Variants in ST6GAL2 observed in about 807,000 individuals in gnomAD.
ST6GAL2 encodes ST6 beta-galactoside alpha-2,6-sialyltransferase 2.
A neutral mutation model predicts 37.5 loss-of-function variants in ST6GAL2; 24 were observed. That is an observed-to-expected ratio of 0.64 (90% CI 0.46 to 0.90). The LOEUF (loss-of-function observed/expected upper bound fraction) is 0.90, where lower values mean the gene tolerates loss of function less well. ST6GAL2 is among the 40% of genes least tolerant of loss of function. The pLI is 0.00. For missense variants in ST6GAL2, 715 were observed against 712.7 expected, an observed-to-expected ratio of 1.00 and a Z score of -0.04; for synonymous variants, 306 against 295.1, an observed-to-expected ratio of 1.04 and a Z score of -0.38.
chr2:106,851,128 C>T (rs1677342264), intron 1 of ST6GAL2, among the ~76,000 whole-genome samples: 2 of 152,236 alleles, frequency 1.3e-5, no homozygotes. Flanking sequence ...TATTACCTGG[C>T]AATGCAAAGG....
intron 1 of ST6GAL2, among the ~76,000 whole-genome samples, chr2:106,881,550 A>G (rs1235163546): frequency 1.3e-5 from 2 of 152,218 alleles, no homozygotes; most frequent in Admixed American, 1.3e-4. Flanking sequence ...TTACACTTTC[A>G]AAGAAGCTAC....
At chr2:106,858,502 G>T (rs1677671179) in intron 1 of ST6GAL2, among the ~76,000 whole-genome samples, 2 of 152,170 alleles carry the variant, frequency 1.3e-5, no homozygotes, top group South Asian at 4.1e-4. Context: ...TGGCTTTTAA[G>T]TTCAAAAGCT....
chr2:106,846,217 G>A (rs555885937), intron 1 of ST6GAL2, among the ~76,000 whole-genome samples: 1 of 152,296 alleles, frequency 6.6e-6, no homozygotes, highest in East Asian at 1.9e-4. Context: ...AACGGTGAGT[G>A]ATAATGATAG....
At chr2:106,822,100 G>A (rs1221656624) in intron 5 of ST6GAL2, among the ~76,000 whole-genome samples, 1 of 152,106 alleles carries the variant, frequency 6.6e-6, no homozygotes, top group Non-Finnish European at 1.5e-5. Context: ...TCTGGAATAT[G>A]GCAAGGATGC....
intron 1 of ST6GAL2, among the ~76,000 whole-genome samples, chr2:106,879,198 C>A (rs1334996764): frequency 6.6e-6 from 1 of 152,144 alleles, no homozygotes; most frequent in Non-Finnish European, 1.5e-5. Context: ...ATTAACCCTG[C>A]CTCTTCTGTG....
rs958478679 is a variant in ST6GAL2, at chr2:106,806,809, A to G, written c.1459T>C (p.Tyr487His). 6 of 1,614,166 alleles carry G rather than the reference A, an allele frequency of 3.7e-6. No homozygotes were observed. Among genetic ancestry groups the G allele is most frequent in the Non-Finnish European group, 5.1e-6 (6 of 1,180,040 alleles). Reference protein sequence around the residue: ...CTLGAYHPLLYEKLLVQRLNM... With the variant: ...CTLGAYHPLLHEKLLVQRLNM... ...AGGCGCTGCACCAGGAGCTTCTCAT[A>G]GAGTAGTGGGTGGTACGCCCCGAGG... The change falls in exon 6 of 6, where the codon TAT becomes CAT. Residue 487 changes from tyrosine (Y) to histidine (H), a missense_variant. Physicochemically the swap from Tyr to His is moderately conservative, Grantham distance 83. Coordinates refer to ENST00000409382, the MANE Select transcript of ST6GAL2 (RefSeq NM_001142351.2).
chr2:106,851,719 C>T (rs1193257654), intron 1 of ST6GAL2, among the ~76,000 whole-genome samples: 1 of 149,510 alleles, frequency 6.7e-6, no homozygotes, highest in African/African-American at 2.5e-5. Context: ...CTATTAATTG[C>T]CAGCTGGCCA....
intron 5 of ST6GAL2, among the ~76,000 whole-genome samples, chr2:106,811,859 C>T (rs183226934): frequency 1.3e-5 from 2 of 152,226 alleles, no homozygotes; most frequent in Admixed American, 1.3e-4. Flanking sequence ...ATGATTTATA[C>T]AAAATGATAC....
chr2:106,862,157 A>G (rs1178494304), intron 1 of ST6GAL2, among the ~76,000 whole-genome samples: 1 of 152,244 alleles, frequency 6.6e-6, no homozygotes, highest in Non-Finnish European at 1.5e-5. Flanking sequence ...TATGATATGC[A>G]GCTTAAATGA....
At chr2:106,858,484 T>C (rs537603709) in intron 1 of ST6GAL2, among the ~76,000 whole-genome samples, 1 of 152,324 alleles carries the variant, frequency 6.6e-6, no homozygotes, top group East Asian at 1.9e-4. Flanking sequence ...GAGAGTAATG[T>C]CAATTCTTGG....
At chr2:106,880,980 C>A (rs1353130399) in intron 1 of ST6GAL2, among the ~76,000 whole-genome samples, 2 of 152,084 alleles carry the variant, frequency 1.3e-5, no homozygotes, top group East Asian at 1.9e-4. Flanking sequence ...ATGAAAATTT[C>A]TTTTATTTAT....
At chr2:106,833,820 C>T (rs1388026016) in intron 3 of ST6GAL2, among the ~76,000 whole-genome samples, 1 of 151,862 alleles carries the variant, frequency 6.6e-6, no homozygotes, top group Non-Finnish European at 1.5e-5. Context: ...CTGATTTTTC[C>T]TTTTAATTTT....
In ST6GAL2 at chr2:106,820,915, A is replaced by C. The variant is rs531499628; in HGVS notation, c.1318+9151T>G. Among the ~76,000 whole-genome samples, 5 of 152,184 alleles carry C rather than the reference A, an allele frequency of 3.3e-5. No homozygotes were observed. The East Asian group carries it at 7.7e-4, about 23-fold the overall frequency. On this transcript the variant is annotated intron_variant, in intron 5 of 5. Coordinates refer to ENST00000409382, the MANE Select transcript of ST6GAL2 (RefSeq NM_001142351.2). ...TGAATGACCAGTGGTCCAGTGAAAA[A>C]ATTTAGAAAAAAAATTTAAAAGTTC...
At chr2:106,854,052 T>C (rs1677477275) in intron 1 of ST6GAL2, among the ~76,000 whole-genome samples, 2 of 152,236 alleles carry the variant, frequency 1.3e-5, no homozygotes, top group Non-Finnish European at 2.9e-5. Flanking sequence ...GGAAGATGTA[T>C]ACCTGCCATT....
intron 2 of ST6GAL2, 94 bp downstream of exon 2, chr2:106,842,941 C>G: frequency 1.1e-6 from 1 of 942,458 alleles, no homozygotes; most frequent in Non-Finnish European, 1.4e-6. Flanking sequence ...CCAGCTTGCC[C>G]CGTCAGAGAT....
rs1382339735 is a variant in ST6GAL2, at chr2:106,832,594, G to A, written c.1114C>T (p.Pro372Ser). ...YKDVILVAWD[P>S]APYSANLNLW... ...TTAAGATTTGCGGAATATGGGGCAG[G>A]GTCCCAGGCCACCAAAATGACGTCT... Residue 372 changes from proline to serine, a missense_variant, in exon 4 of 6, where the codon CCT becomes TCT. Transcript: ENST00000409382. 1.3e-6 allele frequency: 2 copies of A among 1,599,690 alleles called. No homozygotes were observed. Among genetic ancestry groups the A allele is most frequent in the Non-Finnish European group, 1.7e-6 (2 of 1,175,174 alleles).
chr2:106,878,700 G>C (rs759866305), intron 1 of ST6GAL2, among the ~76,000 whole-genome samples: 2 of 152,158 alleles, frequency 1.3e-5, no homozygotes, highest in Non-Finnish European at 2.9e-5. Context: ...AAAATATACA[G>C]GAGAATCTGC....
At chr2:106,871,229 A>G (rs938496777) in intron 1 of ST6GAL2, among the ~76,000 whole-genome samples, 4 of 152,238 alleles carry the variant, frequency 2.6e-5, no homozygotes, top group African/African-American at 9.6e-5. Flanking sequence ...AGATTTAAAA[A>G]TGGTACAGCT....
chr2:106,874,982 C>T (rs760479174), intron 1 of ST6GAL2, among the ~76,000 whole-genome samples: 4 of 152,182 alleles, frequency 2.6e-5, no homozygotes, highest in Non-Finnish European at 4.4e-5. Flanking sequence ...GTACCATTTA[C>T]ATCTGGCTCT....
Sources: allele counts gnomAD v4.1 joint callset (sites outside exome capture counted in the v4.1 genomes callset), GRCh38; gene constraint gnomAD v4.1.1; transcripts MANE v1.5; gene names NCBI Gene and HGNC (gene_info 2026-07-23, HGNC 2026-07-21).